The following GABRA4 variants were observed in gnomAD, a reference collection of about 807,000 sequenced individuals.
The protein encoded by GABRA4 is gamma-aminobutyric acid receptor subunit alpha-4.
A neutral mutation model predicts 49.7 loss-of-function variants in GABRA4; 12 were observed. That is an observed-to-expected ratio of 0.24 (90% CI 0.15 to 0.39). The LOEUF (loss-of-function observed/expected upper bound fraction) is 0.39. Among genes scored for constraint, GABRA4 ranks in the 10% least tolerant of loss-of-function variants. The probability of loss-of-function intolerance (pLI) is 1.00; values close to 1 mark genes in which losing one functional copy is unlikely to be tolerated. For missense variants in GABRA4, 506 were observed against 686.0 expected (o/e 0.74, Z 2.93); for synonymous variants, 288 against 240.2 (o/e 1.20, Z -1.84).
chr4:46,980,200 C>T (rs945850747), intron 2 of GABRA4, among the ~76,000 whole-genome samples: 10 of 152,004 alleles, frequency 6.6e-5, no homozygotes, highest in Non-Finnish European at 1.5e-4. Context: ...ATACAGCATT[C>T]TAATACAACA....
At chr4:46,990,174 G>C (rs1487530670) in intron 2 of GABRA4, among the ~76,000 whole-genome samples, 1 of 152,056 alleles carries the variant, frequency 6.6e-6, no homozygotes, top group African/African-American at 2.4e-5. Context: ...ATGTTTAAAT[G>C]GTTAATCAAT....
intron 8 of GABRA4, among the ~76,000 whole-genome samples, chr4:46,950,745 A>AAATTAATTAATT (rs1021918729): frequency 2.1e-4 from 32 of 151,224 alleles, no homozygotes; most frequent in African/African-American, 6.5e-4. Context: ...ATAAATAAAT[A>AAATTAATTAATT]AATTACTATA....
At position 46,922,529 on chromosome 4, in the gene GABRA4, G is replaced by A. The variant is rs1459735456; in HGVS notation, c.*5696C>T. The A allele has an allele frequency of 6.6e-6, 1 of 152,044 alleles. No homozygotes were observed. The highest frequency in any genetic ancestry group is 1.5e-5 in the Non-Finnish European group (1 of 68,012). 9.4% of individuals were successfully genotyped at this position (152,044 alleles called of 1,614,324 possible). On this transcript the variant is annotated 3_prime_UTR_variant, in exon 9 of 9. Transcript: ENST00000264318. ...CAGATAAAAACTTTTTCAAGAAATA[G>A]AGGAAGAGTTTATATAAATAGGTCT...
Position 46,924,446 on chromosome 4 carries a change from C to T in GABRA4, c.*3779G>A, listed in dbSNP as rs531319528. 1.3e-5 allele frequency: 2 copies of T among 152,116 alleles called. No individual in the cohort carries two copies. Among genetic ancestry groups the T allele is most frequent in the Admixed American group, 1.3e-4 (2 of 15,250 alleles). The allele number at this position is 152,116 out of a possible 1,614,324, so 9.4% of individuals were successfully genotyped here. A position where few individuals can be genotyped will look rare whatever the true frequency, so the allele number is the denominator to read the frequency against. On this transcript the variant is annotated 3_prime_UTR_variant, in exon 9 of 9. Coordinates refer to ENST00000264318, the MANE Select transcript of GABRA4 (RefSeq NM_000809.4). ...TTTTTTGTCTATGCATCTATCATCT[C>T]TTCCGGACTGTGACTACCTGCAAGG...
rs1553904313 is a variant in GABRA4, at chr4:46,959,758, C to CG, written c.1134+5211_1134+5212insC. Among the ~76,000 whole-genome samples, 7 of 82,674 alleles carry CG rather than the reference C, an allele frequency of 8.5e-5. No individual in the cohort carries two copies. In the East Asian group the frequency reaches 2.6e-3, roughly 31 times the overall value. 54.2% of individuals were successfully genotyped at this position (82,674 alleles called of 152,430 possible). On this transcript the variant is annotated intron_variant, in intron 8 of 8. Transcript: ENST00000264318. Reference sequence around the variant, plus strand: ...TAGTATAATGAGTCTCATCACTTTGCAAAAAAAAAAAAAAAAAAGAAAAGA... The same window carrying CG: ...TAGTATAATGAGTCTCATCACTTTGCGAAAAAAAAAAAAAAAAAAGAAAAGA...
At chr4:46,965,880 C>T (rs541084776) in intron 7 of GABRA4, among the ~76,000 whole-genome samples, 4 of 151,762 alleles carry the variant, frequency 2.6e-5, no homozygotes, top group South Asian at 2.1e-4. Flanking sequence ...TATTACTGGA[C>T]GAATAGATTT....
rs552054054 is a variant in GABRA4 at position 46,985,592 on chromosome 4, T to G, written c.206-6494A>C. Among the ~76,000 whole-genome samples, 13 of 152,092 alleles carry G rather than the reference T, an allele frequency of 8.5e-5. No homozygotes were observed. The East Asian group carries it at 2.5e-3, about 29-fold the overall frequency. On this transcript the variant is annotated intron_variant, in intron 2 of 8. Transcript: ENST00000264318. The stretch of plus-strand genomic sequence containing the variant: ...GGTGATGTTTAATGATATATACAAA[T>G]GCAATCAGATGTATTTTCTCATCTA...
chr4:46,936,423 A>C (rs1187428183), intron 8 of GABRA4, among the ~76,000 whole-genome samples: 1 of 151,876 alleles, frequency 6.6e-6, no homozygotes, highest in African/African-American at 2.4e-5. Flanking sequence ...CTAATTTTGT[A>C]TTTTTTAGTA....
intron 6 of GABRA4, among the ~76,000 whole-genome samples, chr4:46,973,540 G>A (rs1268792539): frequency 6.6e-6 from 1 of 151,546 alleles, no homozygotes; most frequent in African/African-American, 2.4e-5. Context: ...GTGTTGTTTT[G>A]TTACAATGGC....
chr4:46,956,139 A>G (rs1017704171), intron 8 of GABRA4, among the ~76,000 whole-genome samples: 1 of 152,112 alleles, frequency 6.6e-6, no homozygotes, highest in African/African-American at 2.4e-5. Context: ...CTCATTGCCT[A>G]AAGAGCATTA....
At chr4:46,934,104 A>G (rs911190983) in intron 8 of GABRA4, among the ~76,000 whole-genome samples, 2 of 152,196 alleles carry the variant, frequency 1.3e-5, no homozygotes, top group Non-Finnish European at 2.9e-5. Flanking sequence ...CATTCATATT[A>G]CTTGCTTGAG....
Position 46,992,965 on chromosome 4 carries a change from A to AG in GABRA4, c.87-20_87-19insC. The AG allele has an allele frequency of 6.4e-7, 1 of 1,552,156 alleles. No homozygotes were observed. The highest frequency in any genetic ancestry group is 1.1e-5 in the South Asian group (1 of 89,566). On this transcript the variant is annotated intron_variant, in intron 1 of 8. Transcript: ENST00000264318. ...GTTTAAACTGCAAGCGAAAAAAAAA[A>AG]AACCGGGGGCGGAGGAGATTATTTT...
At chr4:46,942,626 GA>G (rs752581585) in intron 8 of GABRA4, among the ~76,000 whole-genome samples, 2,077 of 110,594 alleles carry the variant, frequency 0.019, 15 homozygotes, top group Middle Eastern at 0.03. Context: ...CTCTGTCTCA[GA>G]AAAAAAAAAA....
At chr4:46,987,716 C>A (rs1463643436) in intron 2 of GABRA4, among the ~76,000 whole-genome samples, 2 of 152,168 alleles carry the variant, frequency 1.3e-5, no homozygotes, top group South Asian at 2.1e-4. Context: ...TTCCAAGCAA[C>A]CATCAACTTA....
intron 5 of GABRA4, among the ~76,000 whole-genome samples, chr4:46,974,864 G>C (rs1326434204): frequency 6.6e-6 from 1 of 151,840 alleles, no homozygotes; most frequent in African/African-American, 2.4e-5. Flanking sequence ...AGCTCCCCTG[G>C]GGTCACCTGT....
chr4:46,950,866 C>T (rs1722151578), intron 8 of GABRA4, among the ~76,000 whole-genome samples: 1 of 152,128 alleles, frequency 6.6e-6, no homozygotes, highest in African/African-American at 2.4e-5. Flanking sequence ...CTCTTCCAGC[C>T]AAGCTAGCCC....
At chr4:46,966,548 C>T (rs1050241876) in intron 7 of GABRA4, among the ~76,000 whole-genome samples, 7 of 151,698 alleles carry the variant, frequency 4.6e-5, no homozygotes, top group Non-Finnish European at 7.4e-5. Context: ...CTTTATTAAC[C>T]ATAGTCTTCT....
At chr4:46,963,810 A>G (rs372737821) in intron 8 of GABRA4, among the ~76,000 whole-genome samples, 9 of 151,666 alleles carry the variant, frequency 5.9e-5, no homozygotes, top group African/African-American at 2.2e-4. Flanking sequence ...AATAGCAAAC[A>G]CTGGAGATAA....
intron 8 of GABRA4, among the ~76,000 whole-genome samples, chr4:46,950,337 T>C: frequency 6.6e-6 from 1 of 152,090 alleles, no homozygotes; most frequent in East Asian, 1.9e-4. Flanking sequence ...TTTGATACTC[T>C]CAGCTCAGCC....
Sources: gnomAD v4.1 joint callset for allele counts (sites outside exome capture counted in the v4.1 genomes callset) on GRCh38, gnomAD v4.1.1 for gene constraint, MANE v1.5 for transcripts, NCBI Gene and HGNC (gene_info 2026-07-23, HGNC 2026-07-21) for gene names.